Variants in SGCA observed in about 807,000 individuals in gnomAD.
The protein encoded by SGCA is sarcoglycan alpha, also known as alpha-sarcoglycan.
A neutral mutation model predicts 38.1 loss-of-function variants in SGCA; 34 were observed. The ratio of observed to expected loss-of-function variants is 0.89; its 90% CI spans 0.68 to 1.19. The LOEUF (loss-of-function observed/expected upper bound fraction) is 1.19, where lower values mean the gene tolerates loss of function less well. Ranked by LOEUF, SGCA falls within the 50% of genes most tolerant of loss-of-function variation. SGCA has a pLI of 0.00. For synonymous variants in SGCA, 209 were observed against 214.6 expected (o/e 0.97, Z 0.23); for missense variants, 476 against 524.9 (o/e 0.91, Z 0.91).
chr17:50,166,275 G>C, intron 1 of SGCA, 198 bp downstream of exon 1: 1 of 618,348 alleles, frequency 1.6e-6, no homozygotes, highest in Non-Finnish European at 2.9e-6. Context: ...CTGGGATGAA[G>C]GGGCTGGGAG....
intron 8 of SGCA, chr17:50,171,756 G>A (rs956343367): frequency 1.8e-5 from 8 of 456,692 alleles, no homozygotes; most frequent in African/African-American, 8.0e-5. Context: ...TTGAGCACAC[G>A]CTTGAAGTGA....
Position 50,167,426 on chromosome 17 carries a change from G to A in SGCA, c.96G>A (p.Val32=). 1.2e-6 allele frequency: 2 copies of A among 1,614,194 alleles called. No homozygotes were observed. Among genetic ancestry groups the A allele is most frequent in the Non-Finnish European group, 1.7e-6 (2 of 1,180,030 alleles). ...AGCAGACCACGCTACACCCACTTGTGGGCCGTGTCTTTGTGCACACCTTGG... is the reference window on the plus strand; with the variant it reads ...AGCAGACCACGCTACACCCACTTGTAGGCCGTGTCTTTGTGCACACCTTGG... ...EAQQTTLHPL[V]GRVFVHTLDH... is the part of the protein sequence containing the mutation. The change falls in exon 2 of 10, where the codon GTG becomes GTA. Residue 32 remains valine, a synonymous_variant. Coordinates refer to ENST00000262018, the MANE Select transcript of SGCA (RefSeq NM_000023.4). This position sits in a 1 kb window ranked among gnomAD's most constrained non-coding sequence, Gnocchi z 4.5.
At position 50,172,248 on chromosome 17, in the gene SGCA, A is replaced by G. The variant is rs1319672135; in HGVS notation, c.983+1582A>G. On this transcript the variant is annotated intron_variant, in intron 8 of 9. Transcript: ENST00000262018. ...CTCCACAGACTTGTGCTCTTGGTGC[A>G]GGGGTTGGTGAGGTTATCTCTGTGG... is the stretch of plus-strand genomic sequence containing the variant. The G allele has an allele frequency of 6.6e-6, 3 of 456,794 alleles. No individual in the cohort carries two copies. The East Asian group carries it at 2.1e-4, about 32-fold the overall frequency. 28.3% of individuals were successfully genotyped at this position (456,794 alleles called of 1,614,324 possible).
intron 5 of SGCA, 43 bp from the exon 6 acceptor site, chr17:50,169,049 C>T (rs1377175111): frequency 1.9e-6 from 3 of 1,592,356 alleles, no homozygotes; most frequent in Admixed American, 3.3e-5. Flanking sequence ...GCCTCGTGCC[C>T]CCTGCCCCCA....
At position 50,170,242 on chromosome 17, in the gene SGCA, G is replaced by T. The variant is rs766674286; in HGVS notation, c.847G>T (p.Asp283Tyr). The change falls in exon 7 of 10, where the codon GAC becomes TAC. Residue 283 changes from aspartate to tyrosine, a missense_variant. By Grantham distance (160) the Asp-to-Tyr change is radical. Transcript: ENST00000262018. ...PFFCPPTEAP[D>Y]RDFLVDALVT... ...CTTCTGCCCACCCACTGAGGCCCCA[G>T]ACCGTGACTTCTTGGTGGATGCTCT... 2 of 1,614,082 alleles carry T rather than the reference G, an allele frequency of 1.2e-6. No homozygotes were observed. The highest frequency in any genetic ancestry group is 1.7e-6 in the Non-Finnish European group (2 of 1,180,040).
intron 4 of SGCA, 51 bp from the exon 5 acceptor site, chr17:50,168,323 G>A: frequency 8.7e-6 from 13 of 1,488,100 alleles, no homozygotes; most frequent in Non-Finnish European, 1.2e-5. Context: ...AGGCTTTGCG[G>A]GGCAGAGCTG....
Position 50,167,895 on chromosome 17 carries a change from G to A in SGCA, c.313-52G>A. ...AGTCCTCTCCTGCCAGGCCCCCGCT[G>A]TGCCACGTTTCTCCCCTAACCCACT... On this transcript the variant is annotated intron_variant, in intron 3 of 9. Transcript: ENST00000262018. The surrounding 1 kb of genome is among the most constrained non-coding windows in gnomAD (Gnocchi z 4.5). The A allele has an allele frequency of 6.3e-7, 1 of 1,580,002 alleles. No individual in the cohort carries two copies. The highest frequency in any genetic ancestry group is 8.7e-7 in the Non-Finnish European group (1 of 1,149,020).
rs1905053964 is a variant in SGCA, at chr17:50,167,889, C to T, written c.313-58C>T. 2 of 1,567,606 alleles carry T rather than the reference C, an allele frequency of 1.3e-6. No homozygotes were observed. The highest frequency in any genetic ancestry group is 1.4e-5 in the African/African-American group (1 of 73,928). On this transcript the variant is annotated intron_variant, in intron 3 of 9. Coordinates refer to ENST00000262018, the MANE Select transcript of SGCA (RefSeq NM_000023.4). The surrounding 1 kb of genome is among the most constrained non-coding windows in gnomAD (Gnocchi z 4.5). ...TATCTGAGTCCTCTCCTGCCAGGCCCCCGCTGTGCCACGTTTCTCCCCTAA... is the reference window on the plus strand; with the variant it reads ...TATCTGAGTCCTCTCCTGCCAGGCCTCCGCTGTGCCACGTTTCTCCCCTAA...
chr17:50,170,572 T>C (rs1045526628), intron 7 of SGCA, 68 bp from the exon 8 acceptor site: 8 of 1,502,458 alleles, frequency 5.3e-6, no homozygotes, highest in Non-Finnish European at 7.3e-6. Flanking sequence ...TCCACTCACA[T>C]TGGAGCCCTG....
At chr17:50,173,284 C>T (rs563061919) in intron 8 of SGCA, among the ~76,000 whole-genome samples, 68 of 152,326 alleles carry the variant, frequency 4.5e-4, no homozygotes, top group Middle Eastern at 3.4e-3. Context: ...CAGATTTCAG[C>T]GGTCACAGAG....
At chr17:50,175,559 A>G in intron 9 of SGCA, 110 bp downstream of exon 9, 2 of 1,015,298 alleles carry the variant, frequency 2.0e-6, no homozygotes, top group South Asian at 2.7e-5. Context: ...AGGCACATAG[A>G]CTTGTCTGCC....
chr17:50,169,380 G>T, intron 6 of SGCA, 126 bp downstream of exon 6: 25 of 698,138 alleles, frequency 3.6e-5, no homozygotes, highest in Middle Eastern at 3.4e-4. Flanking sequence ...TTTCCCTGAT[G>T]CTCTCAGTAT....
At chr17:50,168,658 G>A in intron 5 of SGCA, 86 bp downstream of exon 5, 1 of 1,280,862 alleles carries the variant, frequency 7.8e-7, no homozygotes, top group Non-Finnish European at 1.1e-6. Context: ...TAATTTCCAG[G>A]TGGGGCTTTA....
chr17:50,174,997 G>T (rs573155826), intron 8 of SGCA, among the ~76,000 whole-genome samples: 1 of 151,532 alleles, frequency 6.6e-6, no homozygotes, highest in African/African-American at 2.4e-5. Context: ...GGGTTTCACC[G>T]TGTTGGCCAG....
At chr17:50,170,841 GT>G (rs1363536491) in intron 8 of SGCA, among the ~76,000 whole-genome samples, 175 bp downstream of exon 8, 1 of 152,128 alleles carries the variant, frequency 6.6e-6, no homozygotes, top group Non-Finnish European at 1.5e-5. Context: ...GGGAGGATTG[GT>G]TGAGCCTGGA....
At chr17:50,166,642 C>A (rs1402465235) in intron 1 of SGCA, among the ~76,000 whole-genome samples, 5 of 151,554 alleles carry the variant, frequency 3.3e-5, no homozygotes, top group Admixed American at 1.3e-4. Context: ...TTTCCCAGTG[C>A]CTTTCACACA....
intron 6 of SGCA, 42 bp downstream of exon 6, chr17:50,169,296 C>A (rs761835321): frequency 6.5e-7 from 1 of 1,538,280 alleles, no homozygotes; most frequent in Non-Finnish European, 8.9e-7. Flanking sequence ...TGGGGCATGG[C>A]CCCCATCCCA....
In SGCA at chr17:50,168,420, T is replaced by G. The variant is rs774960107; in HGVS notation, c.432T>G (p.Asp144Glu). ...YQAEFLVRSH[D>E]AEEVLPSTPA... ...CCGAGTTCCTGGTGCGCAGCCACGA[T>G]GCGGAGGAGGTGCTGCCCTCAACAC... Residue 144 changes from aspartate (D) to glutamate (E), a missense_variant, in exon 5 of 10, where the codon GAT (aspartate) becomes GAG (glutamate). By Grantham distance (45) the Asp-to-Glu change is conservative. Coordinates refer to ENST00000262018, the MANE Select transcript of SGCA (RefSeq NM_000023.4). 1 of 1,591,648 alleles carries G rather than the reference T, an allele frequency of 6.3e-7. No individual in the cohort carries two copies. Among genetic ancestry groups the G allele is most frequent in the Non-Finnish European group, 8.6e-7 (1 of 1,169,176 alleles).
At chr17:50,171,086 G>A (rs554913339) in intron 8 of SGCA, among the ~76,000 whole-genome samples, 39 of 152,296 alleles carry the variant, frequency 2.6e-4, no homozygotes, top group African/African-American at 9.4e-4. Flanking sequence ...AGCCTGTTGT[G>A]ACACAGGGGA....
Sources: allele counts gnomAD v4.1 joint callset (sites outside exome capture counted in the v4.1 genomes callset), GRCh38; gene constraint gnomAD v4.1.1; non-coding constraint Gnocchi (gnomAD v3.1); transcripts MANE v1.5; gene names NCBI Gene and HGNC (gene_info 2026-07-23, HGNC 2026-07-21).